Variants in NEMF observed in about 807,000 individuals in gnomAD.
NEMF encodes nuclear export mediator factor, also known as ribosome quality control complex subunit NEMF.
In NEMF, 89 loss-of-function variants were observed where a neutral mutation model predicts 162.2. That is an observed-to-expected ratio of 0.55 (90% CI 0.46 to 0.65). The LOEUF is 0.65. NEMF is among the 30% of genes least tolerant of loss of function. The pLI, the probability that NEMF is intolerant of heterozygous loss-of-function variation, is 0.00. For missense variants in NEMF, 1,133 were observed against 1,261.9 expected, an observed-to-expected ratio of 0.90 and a Z score of 1.55; for synonymous variants, 421 against 404.5, an observed-to-expected ratio of 1.04 and a Z score of -0.49.
intron 3 of NEMF, among the ~76,000 whole-genome samples, chr14:49,846,948 C>A (rs917632851): frequency 6.6e-6 from 1 of 152,188 alleles, no homozygotes. Context: ...TGCAGTGGCA[C>A]AGTCTCAGCT....
At chr14:49,839,996 A>T (rs957956485) in intron 5 of NEMF, among the ~76,000 whole-genome samples, 2 of 152,100 alleles carry the variant, frequency 1.3e-5, no homozygotes, top group Non-Finnish European at 2.9e-5. Context: ...CCATGTCTAC[A>T]AAAAAATTTA....
chr14:49,834,675 G>T (rs933216218), intron 6 of NEMF, among the ~76,000 whole-genome samples: 12 of 152,020 alleles, frequency 7.9e-5, no homozygotes, highest in African/African-American at 2.9e-4. Context: ...TAGGGACAAG[G>T]TTTCACCATG....
chr14:49,802,628 C>G, intron 21 of NEMF, 41 bp downstream of exon 21: 1 of 1,609,524 alleles, frequency 6.2e-7, no homozygotes, highest in Non-Finnish European at 8.5e-7. Flanking sequence ...TAATGAAAAT[C>G]AGGAAAAAAA....
At chr14:49,848,297 G>A (rs1222891657) in intron 3 of NEMF, among the ~76,000 whole-genome samples, 1 of 151,824 alleles carries the variant, frequency 6.6e-6, no homozygotes, top group African/African-American at 2.4e-5. Flanking sequence ...TCCTATCCCT[G>A]GCCATAAGGT....
intron 28 of NEMF, among the ~76,000 whole-genome samples, chr14:49,788,468 C>A (rs1451350671): frequency 1.3e-5 from 2 of 151,744 alleles, no homozygotes; most frequent in Non-Finnish European, 2.9e-5. Context: ...TTATGTACGA[C>A]CATATGGCAT....
intron 16 of NEMF, among the ~76,000 whole-genome samples, chr14:49,825,131 G>C (rs1027893062): frequency 2.0e-5 from 3 of 152,108 alleles, no homozygotes; most frequent in Non-Finnish European, 4.4e-5. Context: ...GAAGGAAAAA[G>C]AAAACAGAAT....
intron 26 of NEMF, among the ~76,000 whole-genome samples, chr14:49,791,060 G>T (rs140303864): frequency 6.6e-6 from 1 of 150,862 alleles, no homozygotes; most frequent in Non-Finnish European, 1.5e-5. Flanking sequence ...TTCTGGCTGG[G>T]CGCAGTGGCT....
intron 16 of NEMF, among the ~76,000 whole-genome samples, chr14:49,816,549 C>G (rs541649426): frequency 2.0e-5 from 3 of 152,290 alleles, no homozygotes; most frequent in South Asian, 4.1e-4. Flanking sequence ...CCTACGGATA[C>G]GTGATGTCAC....
chr14:49,785,177 A>G (rs531650499), intron 30 of NEMF, 42 bp from the exon 31 acceptor site: 15 of 1,603,824 alleles, frequency 9.4e-6, no homozygotes, highest in Non-Finnish European at 1.1e-5. Flanking sequence ...AGACGTTACA[A>G]AACAATTCAC....
At chr14:49,832,795 G>A (rs960509044) in intron 8 of NEMF, among the ~76,000 whole-genome samples, 1 of 152,148 alleles carries the variant, frequency 6.6e-6, no homozygotes, top group South Asian at 2.1e-4. Context: ...GTTGGGAGCT[G>A]TAAATCACAA....
intron 5 of NEMF, among the ~76,000 whole-genome samples, chr14:49,838,825 C>T (rs1426022769): frequency 1.3e-5 from 2 of 152,060 alleles, no homozygotes; most frequent in Non-Finnish European, 2.9e-5. Context: ...ACCTTGTGAT[C>T]CGCCCACCTT....
chr14:49,815,292 A>G (rs946151182), intron 16 of NEMF, among the ~76,000 whole-genome samples: 1 of 152,164 alleles, frequency 6.6e-6, no homozygotes, highest in African/African-American at 2.4e-5. Flanking sequence ...TATTCTTTAC[A>G]TTTTTTTAAA....
chr14:49,832,257 T>C lies in NEMF; in HGVS notation c.756A>G (p.Arg252=), dbSNP rs1354114897. 1.2e-6 allele frequency: 2 copies of C among 1,603,806 alleles called. No individual in the cohort carries two copies. Among genetic ancestry groups the C allele is most frequent in the East Asian group, 2.2e-5 (1 of 44,810 alleles). The change falls in exon 9 of 33, where the codon AGA becomes AGG. Residue 252 remains arginine, a synonymous_variant. Coordinates refer to ENST00000298310, the MANE Select transcript of NEMF (RefSeq NM_004713.6). The stretch of plus-strand genomic sequence containing the variant: ...CTGCTTCCAAGCTTGGTTTTATTTC[T>C]CTTTTCTGAATGATATATCCCTACA... ...FSGKGYIIQK[R]EIKPSLEADK... is the part of the protein sequence containing the mutation.
At chr14:49,807,591 G>GA (rs1891278254) in intron 18 of NEMF, among the ~76,000 whole-genome samples, 1 of 145,378 alleles carries the variant, frequency 6.9e-6, no homozygotes, top group Non-Finnish European at 1.5e-5. Flanking sequence ...GGTATCTTGT[G>GA]ATTTTTTTTT....
intron 28 of NEMF, among the ~76,000 whole-genome samples, 181 bp downstream of exon 28, chr14:49,788,965 T>C (rs1171302459): frequency 1.3e-5 from 2 of 152,326 alleles, no homozygotes; most frequent in Middle Eastern, 3.4e-3. Flanking sequence ...AGTACTACCA[T>C]TATCATGCTT....
At position 49,795,772 on chromosome 14, in the gene NEMF, A is replaced by C; in HGVS notation, c.2619+19T>G. On this transcript the variant is annotated intron_variant, in intron 26 of 32. Coordinates refer to ENST00000298310, the MANE Select transcript of NEMF (RefSeq NM_004713.6). Reference sequence around the variant, plus strand: ...CTCACAAATTAACTGTGAACCATATAGATCATCCTGAAGTTTACCTTTTGT... The same window carrying C: ...CTCACAAATTAACTGTGAACCATATCGATCATCCTGAAGTTTACCTTTTGT... The C allele has an allele frequency of 1.9e-6, 3 of 1,598,246 alleles. No homozygotes were observed. The highest frequency in any genetic ancestry group is 2.6e-6 in the Non-Finnish European group (3 of 1,175,598).
intron 16 of NEMF, among the ~76,000 whole-genome samples, chr14:49,821,960 T>C (rs1484335019): frequency 8.5e-5 from 13 of 152,124 alleles, no homozygotes; most frequent in Non-Finnish European, 1.5e-5. Context: ...TTTTGTTCTG[T>C]ACTAAGAAAA....
intron 3 of NEMF, 105 bp downstream of exon 3, chr14:49,851,458 C>T: frequency 1.3e-6 from 1 of 746,170 alleles, no homozygotes; most frequent in South Asian, 1.6e-5. Context: ...CCTTTACCTT[C>T]ATTTTATCTG....
At chr14:49,788,397 C>T (rs184607580) in intron 28 of NEMF, among the ~76,000 whole-genome samples, 21 of 151,584 alleles carry the variant, frequency 1.4e-4, no homozygotes, top group African/African-American at 2.4e-4. Flanking sequence ...TGGAAAAATA[C>T]GAACTCACTG....
Sources: allele counts gnomAD v4.1 joint callset (sites outside exome capture counted in the v4.1 genomes callset), GRCh38; gene constraint gnomAD v4.1.1; transcripts MANE v1.5; gene names NCBI Gene and HGNC (gene_info 2026-07-23, HGNC 2026-07-21).